The following DAGLB variants were observed in gnomAD, a reference collection of about 807,000 sequenced individuals.
DAGLB encodes diacylglycerol lipase beta, also known as diacylglycerol lipase-beta.
DAGLB carries 66 observed loss-of-function variants against 72.1 expected under a neutral mutation model. That is an observed-to-expected ratio of 0.92 (90% CI 0.75 to 1.12). The LOEUF (loss-of-function observed/expected upper bound fraction) is 1.12. Among genes scored for constraint, DAGLB ranks in the 50% most tolerant of loss-of-function variants. The pLI, the probability that DAGLB is intolerant of heterozygous loss-of-function variation, is 0.00. For missense variants in DAGLB, 1,065 were observed against 884.9 expected (o/e 1.20, Z -2.58); for synonymous variants, 414 against 359.5 (o/e 1.15, Z -1.71).
intron 2 of DAGLB, among the ~76,000 whole-genome samples, chr7:6,437,157 ATAAT>A (rs1416485256): frequency 4.0e-5 from 5 of 126,046 alleles, no homozygotes; most frequent in South Asian, 2.3e-4. Context: ...CCGTCTCAAA[ATAAT>A]AATAATAATA....
chr7:6,444,043 G>A (rs567468759), intron 2 of DAGLB, among the ~76,000 whole-genome samples: 1 of 152,206 alleles, frequency 6.6e-6, no homozygotes. Flanking sequence ...GAGACGAGAG[G>A]ATCACCTGAG....
chr7:6,411,951 C>G (rs1783742837), intron 13 of DAGLB, among the ~76,000 whole-genome samples: 1 of 133,456 alleles, frequency 7.5e-6, no homozygotes, highest in Admixed American at 7.8e-5. Flanking sequence ...GGAGACAGAG[C>G]CTCACTCTAT....
chr7:6,414,688 G>C (rs901329986), intron 11 of DAGLB, among the ~76,000 whole-genome samples: 1 of 151,988 alleles, frequency 6.6e-6, no homozygotes, highest in Non-Finnish European at 1.5e-5. Flanking sequence ...CAATGAAAAG[G>C]CCTGGAAATT....
At position 6,429,837 on chromosome 7, in the gene DAGLB, G is replaced by A. The variant is rs183635473; in HGVS notation, c.929+643C>T. 5.0e-3 allele frequency among the ~76,000 whole-genome samples: 758 copies of A among 152,244 alleles called. 14 individuals are homozygous for A. Among genetic ancestry groups the A allele is most frequent in the Non-Finnish European group, 3.0e-3 (206 of 68,030 alleles). ...AGGCAGACGGATCACGAGGTCAGGA[G>A]ATCGAGACCATCCTGGCTAACACGG... On this transcript the variant is annotated intron_variant, in intron 6 of 14. Transcript: ENST00000297056.
intron 8 of DAGLB, 63 bp from the exon 9 acceptor site, chr7:6,421,867 G>T: frequency 6.4e-7 from 1 of 1,552,662 alleles, no homozygotes; most frequent in African/African-American, 1.4e-5. Context: ...GAGAATGACA[G>T]GTGGTCCCTG....
chr7:6,442,463 C>T (rs998814739), intron 2 of DAGLB, among the ~76,000 whole-genome samples: 1 of 151,990 alleles, frequency 6.6e-6, no homozygotes, highest in Admixed American at 6.6e-5. Flanking sequence ...AAAAGTACAC[C>T]GACTGCTTCC....
At position 6,447,817 on chromosome 7, in the gene DAGLB, C is replaced by T. The variant is rs1785060323; in HGVS notation, c.26G>A (p.Arg9Gln). 1 of 1,613,024 alleles carries T rather than the reference C, an allele frequency of 6.2e-7. No homozygotes were observed. Among genetic ancestry groups the T allele is most frequent in the East Asian group, 2.2e-5 (1 of 44,822 alleles). The change falls in exon 1 of 15, where the codon CGG becomes CAG. Residue 9 changes from arginine to glutamine, a missense_variant. Coordinates refer to ENST00000297056, the MANE Select transcript of DAGLB (RefSeq NM_139179.4). Reference protein sequence around the residue: MPGMVLFGRRWAIASDDLV... With the variant: MPGMVLFGQRWAIASDDLV... ...GTCGTCGCTGGCGATGGCCCAGCGC[C>T]GGCCGAAGAGTACCATCCCCGGCAT...
chr7:6,416,926 A>C lies in DAGLB; in HGVS notation c.1219-5T>G. 6.2e-7 allele frequency: 1 copy of C among 1,614,106 alleles called. No individual in the cohort carries two copies. The highest frequency in any genetic ancestry group is 1.7e-4 in the Middle Eastern group (1 of 6,060). On this transcript the variant is annotated splice_region_variant and splice_polypyrimidine_tract_variant and intron_variant, in intron 9 of 14. Transcript: ENST00000297056. ...TCTGGCAGCTTGAGAAATACCCTAA[A>C]AACACAGACAAAGAAGGTGGCCGTT...
intron 2 of DAGLB, among the ~76,000 whole-genome samples, chr7:6,441,643 T>A (rs1347307943): frequency 6.6e-6 from 1 of 150,760 alleles, no homozygotes; most frequent in Admixed American, 6.6e-5. Flanking sequence ...GGTCTTGATC[T>A]CCTGACCTCA....
At chr7:6,413,149 C>G (rs1024169117) in intron 11 of DAGLB, 115 bp from the exon 12 acceptor site, 1 of 1,105,434 alleles carries the variant, frequency 9.0e-7, no homozygotes, top group Non-Finnish European at 1.3e-6. Context: ...CAGCTCTGTT[C>G]TCTCTTCTCT....
intron 7 of DAGLB, among the ~76,000 whole-genome samples, chr7:6,425,753 C>T (rs538178723): frequency 5.9e-5 from 9 of 152,288 alleles, no homozygotes; most frequent in South Asian, 4.1e-4. Flanking sequence ...AAACACAGCG[C>T]GCTATCTCTG....
At chr7:6,443,266 A>AG (rs1056305629) in intron 2 of DAGLB, among the ~76,000 whole-genome samples, 3 of 145,752 alleles carry the variant, frequency 2.1e-5, no homozygotes, top group Admixed American at 6.9e-5. Flanking sequence ...AAAAAAAAAA[A>AG]AAAAAAAGAA....
intron 6 of DAGLB, among the ~76,000 whole-genome samples, 198 bp downstream of exon 6, chr7:6,430,282 T>TATATATATATATATG (rs1583294090): frequency 9.5e-6 from 1 of 105,802 alleles, no homozygotes; most frequent in Non-Finnish European, 1.8e-5. Context: ...TATATATATA[T>TATATATATATATATG]GCAGGGGGGA....
chr7:6,426,184 C>A, intron 6 of DAGLB, 70 bp from the exon 7 acceptor site: 1 of 1,596,742 alleles, frequency 6.3e-7, no homozygotes, highest in South Asian at 1.1e-5. Flanking sequence ...TCCTCACTGC[C>A]ACATGTTCCC....
intron 2 of DAGLB, among the ~76,000 whole-genome samples, chr7:6,438,806 G>C (rs1228380458): frequency 6.6e-6 from 1 of 152,118 alleles, no homozygotes; most frequent in Non-Finnish European, 1.5e-5. Context: ...CCAGGAGTTC[G>C]AGACCACGCT....
At position 6,419,740 on chromosome 7, in the gene DAGLB, C is replaced by G. The variant is rs1784045760; in HGVS notation, c.1218+1987G>C. ...AGCAGATCCACCCAGGCCAAGCCCC[C>G]TGGCCCCTGACGGGTTTCTGGGGCA... On this transcript the variant is annotated intron_variant, in intron 9 of 14. Transcript: ENST00000297056. 1.3e-5 allele frequency among the ~76,000 whole-genome samples: 2 copies of G among 152,380 alleles called. 1 individual carries two copies. The highest frequency in any genetic ancestry group is 4.1e-4 in the South Asian group (2 of 4,826).
At chr7:6,426,916 T>C (rs1459313919) in intron 6 of DAGLB, among the ~76,000 whole-genome samples, 1 of 152,162 alleles carries the variant, frequency 6.6e-6, no homozygotes, top group African/African-American at 2.4e-5. Context: ...GAGACCAGTC[T>C]GGCCAACGTG....
In DAGLB at chr7:6,409,816, G is replaced by A. The variant is rs1287548391; in HGVS notation, c.*21C>T. On this transcript the variant is annotated 3_prime_UTR_variant, in exon 15 of 15. Transcript: ENST00000297056. The stretch of plus-strand genomic sequence containing the variant: ...AAAAGCGTGAGTCCATCGTTCCTGG[G>A]ACAGTTTCCAGTGGCCCTGGTCAGG... 2 of 1,609,978 alleles carry A rather than the reference G, an allele frequency of 1.2e-6. No homozygotes were observed. Among genetic ancestry groups the A allele is most frequent in the Non-Finnish European group, 1.7e-6 (2 of 1,177,844 alleles).
intron 2 of DAGLB, 69 bp downstream of exon 2, chr7:6,445,884 T>C (rs1424583971): frequency 2.0e-6 from 3 of 1,466,032 alleles, no homozygotes; most frequent in South Asian, 1.4e-5. Flanking sequence ...GTGAATTGTA[T>C]GGTATGTGAA....
Sources: allele counts gnomAD v4.1 joint callset (sites outside exome capture counted in the v4.1 genomes callset), GRCh38; gene constraint gnomAD v4.1.1; transcripts MANE v1.5; gene names NCBI Gene and HGNC (gene_info 2026-07-23, HGNC 2026-07-21).